NMD3: variants seen among roughly 807,000 people sequenced by gnomAD.
The protein encoded by NMD3 is 60S ribosomal export protein NMD3.
In NMD3, 47 loss-of-function variants were observed where a neutral mutation model predicts 73.1. The ratio of observed to expected loss-of-function variants is 0.64; its 90% confidence interval spans 0.51 to 0.82. The LOEUF is 0.82. NMD3 is among the 40% of genes least tolerant of loss of function. NMD3 has a pLI of 0.00. For synonymous variants in NMD3, 210 were observed against 194.5 expected (o/e 1.08, Z -0.66); for missense variants, 554 against 612.5 (o/e 0.90, Z 1.01).
Position 161,250,982 on chromosome 3 carries a change from T to A in NMD3, c.*72T>A. 2 of 1,247,394 alleles carry A rather than the reference T, an allele frequency of 1.6e-6. No individual in the cohort carries two copies. Among genetic ancestry groups the A allele is most frequent in the Non-Finnish European group, 2.2e-6 (2 of 891,592 alleles). 77.3% of individuals were successfully genotyped at this position (1,247,394 alleles called of 1,614,324 possible). A position where few individuals can be genotyped will look rare whatever the true frequency, so the allele number is the denominator to read the frequency against. ...AGAGTTACCTTAAGTGTCTCTACTA[T>A]CTTTGCCTCCAGATTTCAAGAGGAG... is the stretch of plus-strand genomic sequence containing the variant. On this transcript the variant is annotated 3_prime_UTR_variant, in exon 16 of 16. Coordinates refer to ENST00000351193, the MANE Select transcript of NMD3 (RefSeq NM_015938.5).
intron 1 of NMD3, 59 bp from the exon 2 acceptor site, chr3:161,221,935 A>G: frequency 5.4e-6 from 6 of 1,112,652 alleles, no homozygotes; most frequent in Non-Finnish European, 7.7e-6. Context: ...GACTAGGTAA[A>G]GTGATTTAAA....
chr3:161,250,581 G>A (rs1431920616), intron 15 of NMD3, among the ~76,000 whole-genome samples, 199 bp from the exon 16 acceptor site: 2 of 152,158 alleles, frequency 1.3e-5, no homozygotes, highest in Non-Finnish European at 2.9e-5. Context: ...AGTGGTGGAA[G>A]TATATTCTTA....
intron 2 of NMD3, 66 bp from the exon 3 acceptor site, chr3:161,224,864 A>T: frequency 6.8e-7 from 1 of 1,465,628 alleles, no homozygotes; most frequent in Non-Finnish European, 9.2e-7. Flanking sequence ...TTTGTTTGGC[A>T]TCTAAAAAAA....
rs545209620 is a variant in NMD3 at position 161,241,380 on chromosome 3, A to G, written c.871+217A>G. Among the ~76,000 whole-genome samples, 11 of 150,086 alleles carry G rather than the reference A, an allele frequency of 7.3e-5. No individual in the cohort carries two copies. The South Asian group carries it at 1.7e-3, about 23-fold the overall frequency. On this transcript the variant is annotated intron_variant, in intron 10 of 15. Coordinates refer to ENST00000351193, the MANE Select transcript of NMD3 (RefSeq NM_015938.5). ...AAGAAACAATTCTGTTAATTTTTAC[A>G]TATTTACTGGTTTATTCCATTAATT...
chr3:161,233,236 C>T (rs185782219), intron 4 of NMD3, among the ~76,000 whole-genome samples, 163 bp from the exon 5 acceptor site: 116 of 151,812 alleles, frequency 7.6e-4, no homozygotes, highest in African/African-American at 1.3e-3. Context: ...GCTGTTGTTA[C>T]GTAACCAATG....
intron 12 of NMD3, 77 bp from the exon 13 acceptor site, chr3:161,247,181 T>G: frequency 1.2e-6 from 1 of 859,912 alleles, no homozygotes. Context: ...TTAGGAAGTT[T>G]TAGGTGATAG....
At chr3:161,253,475 T>A (rs1191659798), downstream of NMD3, 1 of 152,214 alleles carries the variant, frequency 6.6e-6, no homozygotes, top group Non-Finnish European at 1.5e-5. Context: ...ATTTGCTTTC[T>A]TTCCCCTTCT....
chr3:161,242,799 T>G, intron 11 of NMD3, 146 bp downstream of exon 11: 1 of 595,764 alleles, frequency 1.7e-6, no homozygotes, highest in Non-Finnish European at 2.7e-6. Flanking sequence ...CTTTTTTTTT[T>G]TGTCTTTTTA....
chr3:161,234,382 G>A (rs1366078434), intron 5 of NMD3, among the ~76,000 whole-genome samples: 6 of 151,390 alleles, frequency 4.0e-5, no homozygotes, highest in South Asian at 4.2e-4. Flanking sequence ...AACCAAGATC[G>A]TGCCACTGTA....
chr3:161,229,694 G>A (rs1404589049), intron 4 of NMD3, among the ~76,000 whole-genome samples: 2 of 152,200 alleles, frequency 1.3e-5, no homozygotes, highest in Admixed American at 6.5e-5. Context: ...GAAACTGGAG[G>A]ACTGAATCCT....
rs1396831375 is a variant in NMD3 at position 161,224,976 on chromosome 3, A to G, written c.91A>G (p.Ile31Val). 6.2e-7 allele frequency: 1 copy of G among 1,613,788 alleles called. No individual in the cohort carries two copies. Among genetic ancestry groups the G allele is most frequent in the Admixed American group, 1.7e-5 (1 of 59,982 alleles). Reference protein sequence around the residue: ...GVPISPNPANICVACLRSKVD... With the variant: ...GVPISPNPANVCVACLRSKVD... ...TCCGATAAGTCCAAATCCTGCCAAT[A>G]TTTGTGTGGCCTGTTTGCGAAGTAA... Residue 31 changes from isoleucine (I) to valine (V), a missense_variant, in exon 3 of 16, where the codon ATT becomes GTT. Physicochemically the swap from Ile to Val is conservative, Grantham distance 29. Transcript: ENST00000351193.
chr3:161,237,727 C>T (rs1400844520), intron 7 of NMD3, among the ~76,000 whole-genome samples: 1 of 151,728 alleles, frequency 6.6e-6, no homozygotes, highest in Non-Finnish European at 1.5e-5. Flanking sequence ...CTAGTAGAGA[C>T]GGGGTTTCAC....
At chr3:161,249,191 T>C (rs898690562) in intron 13 of NMD3, among the ~76,000 whole-genome samples, 2 of 152,210 alleles carry the variant, frequency 1.3e-5, no homozygotes, top group Non-Finnish European at 2.9e-5. Flanking sequence ...GTTTTTGTTA[T>C]TAAGAAAAAC....
chr3:161,246,479 A>G (rs1160760258), intron 12 of NMD3, 31 bp downstream of exon 12: 3 of 990,762 alleles, frequency 3.0e-6, no homozygotes, highest in African/African-American at 3.2e-5. Context: ...TAAACTGCCA[A>G]TTAGGATTGC....
At chr3:161,241,187 T>A in intron 10 of NMD3, 24 bp downstream of exon 10, 2 of 1,353,604 alleles carry the variant, frequency 1.5e-6, no homozygotes, top group Non-Finnish European at 2.1e-6. Flanking sequence ...ATGATTTGCC[T>A]TGACAATTTT....
chr3:161,221,282 G>A (rs932612555), upstream of NMD3: 1 of 152,152 alleles, frequency 6.6e-6, no homozygotes, highest in African/African-American at 2.4e-5. Flanking sequence ...CGGGCCGCGG[G>A]ATTTCGAGCA....
rs1353398032 is a variant in NMD3, at chr3:161,225,023, TC to T, written c.140del (p.Pro47ArgfsTer27). 3 of 1,613,966 alleles carry T rather than the reference TC, an allele frequency of 1.9e-6. No individual in the cohort carries two copies. Among genetic ancestry groups the T allele is most frequent in the Non-Finnish European group, 2.5e-6 (3 of 1,180,018 alleles). On this transcript the variant is annotated frameshift_variant, in exon 3 of 16. Coordinates refer to ENST00000351193, the MANE Select transcript of NMD3 (RefSeq NM_015938.5). LOFTEE classifies it high-confidence loss of function. ...RSKVDISQGI[P>X]KQVSISFCKQ... ...GTAAAGTGGACATCAGCCAAGGTATTCCGAAACAAGTCTCGATTTCGTTCTG... is the reference window on the plus strand; with the variant it reads ...GTAAAGTGGACATCAGCCAAGGTATTCGAAACAAGTCTCGATTTCGTTCTG...
intron 12 of NMD3, 92 bp from the exon 13 acceptor site, chr3:161,247,166 G>T: frequency 1.4e-6 from 1 of 732,408 alleles, no homozygotes; most frequent in East Asian, 2.6e-5. Flanking sequence ...TTAAATGTTT[G>T]ATTTTTAGGA....
At chr3:161,234,990 A>C in intron 6 of NMD3, 132 bp from the exon 7 acceptor site, 1 of 955,084 alleles carries the variant, frequency 1.0e-6, no homozygotes, top group Non-Finnish European at 1.6e-6. Flanking sequence ...TCATTATTAC[A>C]TTTTAGATAA....
Sources: allele counts gnomAD v4.1 joint callset (sites outside exome capture counted in the v4.1 genomes callset), GRCh38; gene constraint gnomAD v4.1.1; transcripts MANE v1.5; gene names NCBI Gene and HGNC (gene_info 2026-07-23, HGNC 2026-07-21).